The following NEXMIF variants were observed in gnomAD, a reference collection of about 807,000 sequenced individuals.
NEXMIF encodes the protein neurite extension and migration factor, also known as XLMR protein related to neurite extension.
A neutral mutation model predicts 62.1 loss-of-function variants in NEXMIF; 8 were observed. The ratio of observed to expected loss-of-function variants is 0.13; its 90% CI spans 0.08 to 0.23. NEXMIF has a LOEUF of 0.23. Ranked by LOEUF, NEXMIF falls within the 10% of genes least tolerant of loss-of-function variation. The pLI is 1.00. For missense variants in NEXMIF, 976 were observed against 1,113.3 expected, an observed-to-expected ratio of 0.88 and a Z score of 1.75; for synonymous variants, 404 against 416.6, an observed-to-expected ratio of 0.97 and a Z score of 0.37.
At chrX:74,886,993 C>T (rs957645558) in intron 1 of NEXMIF, among the ~76,000 whole-genome samples, 3 of 111,474 alleles carry the variant, frequency 2.7e-5, no homozygotes, top group Non-Finnish European at 3.8e-5. Flanking sequence ...AGAAATAATG[C>T]CGCGTATGTA....
chrX:74,793,112 T>A (rs1298913719), intron 1 of NEXMIF, among the ~76,000 whole-genome samples: 5 of 110,187 alleles, frequency 4.5e-5, no homozygotes, highest in Admixed American at 9.7e-5. Context: ...AGCGGCTGGT[T>A]CCGGTTGTTC....
Position 74,736,432 on chromosome X carries a change from G to A in NEXMIF, c.*2973C>T, listed in dbSNP as rs2080085153. 9.0e-6 allele frequency: 1 copy of A among 111,233 alleles called. No individual in the cohort carries two copies. Among genetic ancestry groups the A allele is most frequent in the African/African-American group, 3.3e-5 (1 of 30,538 alleles). The allele number at this position is 111,233 out of a possible 1,213,427, so 9.2% of individuals were successfully genotyped here. ...GATTAAATGGGACTCTGTTAGGGAG[G>A]CATTAATAGGAAACAGCTTCTCAGA... On this transcript the variant is annotated 3_prime_UTR_variant, in exon 4 of 4. Coordinates refer to ENST00000055682, the MANE Select transcript of NEXMIF (RefSeq NM_001008537.3).
intron 1 of NEXMIF, among the ~76,000 whole-genome samples, chrX:74,848,519 C>A (rs2080501414): frequency 8.9e-6 from 1 of 112,244 alleles, no homozygotes; most frequent in South Asian, 3.7e-4. Flanking sequence ...GGCACTTTGT[C>A]CAAATAAGGT....
At chrX:74,876,718 T>G (rs1390910007) in intron 1 of NEXMIF, among the ~76,000 whole-genome samples, 2 of 102,447 alleles carry the variant, frequency 2.0e-5, no homozygotes, top group African/African-American at 7.1e-5. Context: ...GCTCTTCTTG[T>G]TGAATTGATC....
At chrX:74,792,441 T>C (rs1362616589) in intron 1 of NEXMIF, among the ~76,000 whole-genome samples, 5 of 106,671 alleles carry the variant, frequency 4.7e-5, no homozygotes, top group Admixed American at 1.0e-4. Flanking sequence ...CTGAAAAAAA[T>C]GTATATTCTG....
rs977129429 is a variant in NEXMIF at position 74,738,283 on chromosome X, T to C, written c.*1122A>G. Reference sequence around the variant, plus strand: ...GCCACAAATTGTTCATCTTATCTGATAGTAAATGTACTTTACTCATAAGAA... The same window carrying C: ...GCCACAAATTGTTCATCTTATCTGACAGTAAATGTACTTTACTCATAAGAA... On this transcript the variant is annotated 3_prime_UTR_variant, in exon 4 of 4. Transcript: ENST00000055682. 8.9e-6 allele frequency: 1 copy of C among 111,772 alleles called. No homozygotes were observed. The highest frequency in any genetic ancestry group is 3.2e-5 in the African/African-American group (1 of 30,788). The allele number at this position is 111,772 out of a possible 1,213,427, so 9.2% of individuals were successfully genotyped here.
At chrX:74,811,868 G>T (rs983463063) in intron 1 of NEXMIF, among the ~76,000 whole-genome samples, 1 of 113,078 alleles carries the variant, frequency 8.8e-6, no homozygotes, top group Non-Finnish European at 1.9e-5. Context: ...ACTGTAGACA[G>T]GAAATCTCTG....
rs762033801 is a variant in NEXMIF, at chrX:74,832,591, A to AT, written c.-47-86895dup. 5.4e-5 allele frequency among the ~76,000 whole-genome samples: 6 copies of AT among 111,517 alleles called. No individual in the cohort carries two copies. In the South Asian group the frequency reaches 1.1e-3, roughly 21 times the overall value. On this transcript the variant is annotated intron_variant, in intron 1 of 3. Coordinates refer to ENST00000055682, the MANE Select transcript of NEXMIF (RefSeq NM_001008537.3). ...AAAAAACCAAGGTTTGGTTTCATTGATTTTTTGTATTGTTTTCTTCATTTT... is the reference window on the plus strand; with the variant it reads ...AAAAAACCAAGGTTTGGTTTCATTGATTTTTTTGTATTGTTTTCTTCATTTT...
At chrX:74,757,872 A>G (rs1602218139) in intron 1 of NEXMIF, among the ~76,000 whole-genome samples, 1 of 111,801 alleles carries the variant, frequency 8.9e-6, no homozygotes, top group East Asian at 2.8e-4. Context: ...ACAACCAGAG[A>G]TGCCCAGTGC....
chrX:74,823,435 G>T (rs2080404025), intron 1 of NEXMIF, among the ~76,000 whole-genome samples: 1 of 111,497 alleles, frequency 9.0e-6, no homozygotes, highest in Non-Finnish European at 1.9e-5. Context: ...ACAGACTGAG[G>T]AACTATTCTG....
rs888936230 is a variant in NEXMIF at position 74,737,251 on chromosome X, T to TCAAAAA, written c.*2148_*2153dup. 1.8e-5 allele frequency: 2 copies of TCAAAAA among 110,584 alleles called. No individual in the cohort carries two copies. The highest frequency in any genetic ancestry group is 1.9e-5 in the Non-Finnish European group (1 of 52,812). The allele number at this position is 110,584 out of a possible 1,213,427, so 9.1% of individuals were successfully genotyped here. On this transcript the variant is annotated 3_prime_UTR_variant, in exon 4 of 4. Transcript: ENST00000055682. ...AAAATTCAGCTGCAAAACAGAAAAA[T>TCAAAAA]CAAAAACAAAAACAAAAACAAAACA...
At chrX:74,882,406 G>A (rs928322112) in intron 1 of NEXMIF, among the ~76,000 whole-genome samples, 1 of 112,178 alleles carries the variant, frequency 8.9e-6, no homozygotes, top group South Asian at 3.7e-4. Context: ...GTCAAAGAAA[G>A]GGGTGACAGA....
chrX:74,801,733 G>A (rs2032207892), intron 1 of NEXMIF, among the ~76,000 whole-genome samples: 1 of 112,365 alleles, frequency 8.9e-6, no homozygotes, highest in African/African-American at 3.2e-5. Context: ...TTGCCCACAG[G>A]GGCATAGAGC....
chrX:74,771,865 G>A lies in NEXMIF; in HGVS notation c.-47-26168C>T, dbSNP rs137871142. On this transcript the variant is annotated intron_variant, in intron 1 of 3. Coordinates refer to ENST00000055682, the MANE Select transcript of NEXMIF (RefSeq NM_001008537.3). ...TATGTGTAAAGAAGTACAGTACCTG[G>A]CTCATAGTGGGTCCACAAAAGTGGT... is the stretch of plus-strand genomic sequence containing the variant. 4.5e-3 allele frequency among the ~76,000 whole-genome samples: 496 copies of A among 111,391 alleles called. 4 individuals are homozygous for A. The highest frequency in any genetic ancestry group is 0.015 in the African/African-American group (463 of 30,632).
At chrX:74,845,797 T>TA (rs1235726039) in intron 1 of NEXMIF, among the ~76,000 whole-genome samples, 85 of 105,691 alleles carry the variant, frequency 8.0e-4, no homozygotes, top group Admixed American at 2.4e-3. Flanking sequence ...CCAAGAGAAT[T>TA]AAAAAAAAAA....
chrX:74,746,574 T>C (rs2080126695), intron 1 of NEXMIF, among the ~76,000 whole-genome samples: 1 of 111,801 alleles, frequency 8.9e-6, no homozygotes, highest in Admixed American at 9.5e-5. Flanking sequence ...AAGCATATGG[T>C]ATTGATAGTC....
At chrX:74,860,953 A>T (rs1193592118) in intron 1 of NEXMIF, among the ~76,000 whole-genome samples, 3 of 111,833 alleles carry the variant, frequency 2.7e-5, no homozygotes, top group Non-Finnish European at 5.7e-5. Flanking sequence ...GATCAACAAA[A>T]CCAAAACCTG....
intron 1 of NEXMIF, among the ~76,000 whole-genome samples, chrX:74,825,641 A>G (rs774740695): frequency 9.0e-6 from 1 of 110,835 alleles, no homozygotes; most frequent in Admixed American, 9.6e-5. Flanking sequence ...TGCAACCTTC[A>G]CCTCCCAGGT....
At chrX:74,747,601 T>A (rs1034016946) in intron 1 of NEXMIF, among the ~76,000 whole-genome samples, 7 of 110,882 alleles carry the variant, frequency 6.3e-5, no homozygotes, top group African/African-American at 2.3e-4. Flanking sequence ...CCATGAAATA[T>A]ATATAGGAAC....
Sources: gnomAD v4.1 joint callset for allele counts (sites outside exome capture counted in the v4.1 genomes callset) on GRCh38, gnomAD v4.1.1 for gene constraint, MANE v1.5 for transcripts, NCBI Gene and HGNC (gene_info 2026-07-23, HGNC 2026-07-21) for gene names.